NOTCH2NLC: variants seen among roughly 807,000 people sequenced by gnomAD.
The protein encoded by NOTCH2NLC is notch 2 N-terminal like C, also known as notch homolog 2 N-terminal-like protein C.
A neutral mutation model predicts 17.7 loss-of-function variants in NOTCH2NLC; 4 were observed. That is an observed-to-expected ratio of 0.23 (90% CI 0.11 to 0.52). The LOEUF (loss-of-function observed/expected upper bound fraction) is 0.52. NOTCH2NLC is among the 20% of genes least tolerant of loss of function. NOTCH2NLC has a pLI of 0.96. For synonymous variants in NOTCH2NLC, 18 were observed against 86.0 expected (o/e 0.21, Z 4.38); for missense variants, 57 against 207.2 (o/e 0.28, Z 4.45).
intron 1 of NOTCH2NLC, among the ~76,000 whole-genome samples, chr1:149,414,309 C>G (rs2084317719): frequency 6.7e-6 from 1 of 150,342 alleles, no homozygotes; most frequent in Non-Finnish European, 1.5e-5. Context: ...ATCCTAATGA[C>G]ATGTTAGCCA....
At chr1:149,445,994 G>A (rs1338645544) in intron 2 of NOTCH2NLC, among the ~76,000 whole-genome samples, 1 of 122,210 alleles carries the variant, frequency 8.2e-6, no homozygotes, top group African/African-American at 3.1e-5. Flanking sequence ...AGAACATTCG[G>A]TGGAGAAAAC....
At chr1:149,449,907 G>A (rs2084581935) in intron 2 of NOTCH2NLC, among the ~76,000 whole-genome samples, 1 of 149,102 alleles carries the variant, frequency 6.7e-6, no homozygotes, top group South Asian at 2.1e-4. Context: ...TTTTGTGTGT[G>A]GCTTCTTTCA....
intron 1 of NOTCH2NLC, among the ~76,000 whole-genome samples, chr1:149,396,327 G>GTACC (rs2084208350): frequency 7.4e-6 from 1 of 134,442 alleles, no homozygotes; most frequent in African/African-American, 2.8e-5. Context: ...TAGTCAAGAG[G>GTACC]TACCATATTT....
intron 1 of NOTCH2NLC, among the ~76,000 whole-genome samples, chr1:149,427,324 TGATTTTGATGGTTTTCA>T (rs1336780191): frequency 6.8e-6 from 1 of 148,038 alleles, no homozygotes; most frequent in African/African-American, 2.5e-5. Context: ...TCTGCTTCTA[TGATTTTGATGGTTTTCA>T]ATTCTACGTA....
intron 1 of NOTCH2NLC, among the ~76,000 whole-genome samples, chr1:149,424,203 G>A (rs2084398089): frequency 2.0e-5 from 3 of 151,386 alleles, no homozygotes; most frequent in Admixed American, 6.6e-5. Flanking sequence ...TATAATTGGA[G>A]CTGATAAACC....
At chr1:149,414,909 G>C (rs1279555678) in intron 1 of NOTCH2NLC, among the ~76,000 whole-genome samples, 1 of 136,846 alleles carries the variant, frequency 7.3e-6, no homozygotes, top group African/African-American at 2.7e-5. Flanking sequence ...TATCCTTGAG[G>C]TAGAAAAGAT....
At chr1:149,401,736 AT>A (rs2101466028) in intron 1 of NOTCH2NLC, among the ~76,000 whole-genome samples, 1 of 74,062 alleles carries the variant, frequency 1.4e-5, no homozygotes, top group South Asian at 5.3e-4. Flanking sequence ...CCTGGTCTAA[AT>A]TTATTTTGGC....
chr1:149,449,257 G>A (rs1229924985), intron 2 of NOTCH2NLC, among the ~76,000 whole-genome samples: 48 of 150,900 alleles, frequency 3.2e-4, no homozygotes, highest in East Asian at 1.8e-3. Context: ...GCACTGGAGC[G>A]AGTAATACAA....
intron 1 of NOTCH2NLC, among the ~76,000 whole-genome samples, chr1:149,410,360 TA>T (rs2084292137): frequency 6.7e-6 from 1 of 149,998 alleles, no homozygotes; most frequent in South Asian, 2.1e-4. Flanking sequence ...TGCCTTTTGA[TA>T]AAAAACAGTG....
At chr1:149,395,842 C>T (rs2084204271) in intron 1 of NOTCH2NLC, among the ~76,000 whole-genome samples, 2 of 146,816 alleles carry the variant, frequency 1.4e-5, no homozygotes. Flanking sequence ...CAAGAGAGTC[C>T]CCTGAACACC....
At chr1:149,415,947 T>C (rs1238544191) in intron 1 of NOTCH2NLC, among the ~76,000 whole-genome samples, 1 of 151,048 alleles carries the variant, frequency 6.6e-6, no homozygotes, top group Non-Finnish European at 1.5e-5. Context: ...AGTTTAAAAC[T>C]TTAATTTATC....
At chr1:149,416,151 C>A (rs2084333658) in intron 1 of NOTCH2NLC, among the ~76,000 whole-genome samples, 1 of 104,240 alleles carries the variant, frequency 9.6e-6, no homozygotes, top group Admixed American at 1.0e-4. Flanking sequence ...TTTTGGAGGA[C>A]AAAAGTCTTG....
chr1:149,434,443 AAAT>A (rs1322447633), intron 2 of NOTCH2NLC, among the ~76,000 whole-genome samples: 3 of 149,194 alleles, frequency 2.0e-5, no homozygotes, highest in African/African-American at 4.9e-5. Context: ...ACAAAATAGA[AAAT>A]AAATATTAAA....
At chr1:149,417,006 G>C (rs1170506370) in intron 1 of NOTCH2NLC, among the ~76,000 whole-genome samples, 1 of 145,460 alleles carries the variant, frequency 6.9e-6, no homozygotes, top group South Asian at 2.2e-4. Context: ...GATGTGCATA[G>C]CTGGTATGTG....
At chr1:149,393,570 C>T (rs2084188000) in intron 1 of NOTCH2NLC, among the ~76,000 whole-genome samples, 1 of 148,292 alleles carries the variant, frequency 6.7e-6, no homozygotes, top group African/African-American at 2.5e-5. Flanking sequence ...CTATCCAGGA[C>T]CATCCTCTTG....
intron 1 of NOTCH2NLC, among the ~76,000 whole-genome samples, chr1:149,424,348 A>T (rs2084399360): frequency 6.7e-6 from 1 of 150,158 alleles, no homozygotes; most frequent in Admixed American, 6.6e-5. Context: ...AAGGGTATAT[A>T]TTGGCAATTT....
At chr1:149,428,890 A>G (rs1165617031) in intron 1 of NOTCH2NLC, among the ~76,000 whole-genome samples, 1 of 149,954 alleles carries the variant, frequency 6.7e-6, no homozygotes, top group Non-Finnish European at 1.5e-5. Context: ...TTTATTTATT[A>G]TTTTATTTAA....
intron 1 of NOTCH2NLC, among the ~76,000 whole-genome samples, chr1:149,400,168 C>T (rs2084235917): frequency 7.5e-6 from 1 of 133,842 alleles, no homozygotes; most frequent in Non-Finnish European, 1.6e-5. Flanking sequence ...AACAGATCTA[C>T]ATATATATAT....
At chr1:149,400,125 T>TATATATA (rs1336404406) in intron 1 of NOTCH2NLC, among the ~76,000 whole-genome samples, 1 of 142,488 alleles carries the variant, frequency 7.0e-6, no homozygotes, top group East Asian at 2.0e-4. Flanking sequence ...TATATATATA[T>TATATATA]ATATATAATA....
Sources: gnomAD v4.1 joint callset for allele counts (sites outside exome capture counted in the v4.1 genomes callset) on GRCh38, gnomAD v4.1.1 for gene constraint, MANE v1.5 for transcripts, NCBI Gene and HGNC (gene_info 2026-07-23, HGNC 2026-07-21) for gene names.